GRIA4: variants seen among roughly 807,000 people sequenced by gnomAD.
GRIA4 encodes the protein glutamate receptor 4.
In GRIA4, 34 loss-of-function variants were observed where a neutral mutation model predicts 104.0. That is an observed-to-expected ratio of 0.33 (90% CI 0.25 to 0.44). The LOEUF is 0.44. Among genes scored for constraint, GRIA4 ranks in the 20% least tolerant of loss-of-function variants. The pLI, the probability that GRIA4 is intolerant of heterozygous loss-of-function variation, is 1.00. For synonymous variants in GRIA4, 386 were observed against 381.9 expected (o/e 1.01, Z -0.13); for missense variants, 750 against 1,096.5 (o/e 0.68, Z 4.46).
chr11:105,780,475 T>C (rs1353892425), intron 4 of GRIA4, among the ~76,000 whole-genome samples: 1 of 152,188 alleles, frequency 6.6e-6, no homozygotes, highest in Non-Finnish European at 1.5e-5. Context: ...GAAATTTAGC[T>C]CACATTTCAC....
At chr11:105,962,423 T>C (rs919935478) in intron 14 of GRIA4, among the ~76,000 whole-genome samples, 2 of 152,216 alleles carry the variant, frequency 1.3e-5, no homozygotes, top group African/African-American at 4.8e-5. Flanking sequence ...TGGTTTTATA[T>C]GACATTTCAA....
At chr11:105,881,558 GAC>G (rs948552842) in intron 5 of GRIA4, among the ~76,000 whole-genome samples, 1 of 152,130 alleles carries the variant, frequency 6.6e-6, no homozygotes, top group African/African-American at 2.4e-5. Flanking sequence ...AACTTCCAGT[GAC>G]AGAGAGATCA....
intron 3 of GRIA4, among the ~76,000 whole-genome samples, chr11:105,664,382 G>A (rs1034459326): frequency 3.3e-5 from 5 of 150,598 alleles, no homozygotes; most frequent in Non-Finnish European, 7.4e-5. Flanking sequence ...GAGCAAATGA[G>A]AAAAAGGCAT....
intron 4 of GRIA4, among the ~76,000 whole-genome samples, chr11:105,850,381 C>T (rs1944761349): frequency 6.6e-6 from 1 of 152,162 alleles, no homozygotes. Flanking sequence ...TTATTCTATA[C>T]CATAATTCAA....
intron 4 of GRIA4, among the ~76,000 whole-genome samples, chr11:105,778,313 G>T (rs528031558): frequency 6.6e-6 from 1 of 152,278 alleles, no homozygotes; most frequent in African/African-American, 2.4e-5. Context: ...GACAGTCAGG[G>T]AAGGGGATCA....
At chr11:105,665,654 T>G (rs1303663067) in intron 3 of GRIA4, among the ~76,000 whole-genome samples, 1 of 152,018 alleles carries the variant, frequency 6.6e-6, no homozygotes, top group Non-Finnish European at 1.5e-5. Context: ...TTCCTGTTTT[T>G]AATACAGCCA....
intron 4 of GRIA4, among the ~76,000 whole-genome samples, chr11:105,858,669 T>C (rs557978979): frequency 6.6e-6 from 1 of 152,240 alleles, no homozygotes; most frequent in South Asian, 2.1e-4. Context: ...CTCACTATCC[T>C]TCCCAGCCTC....
intron 4 of GRIA4, among the ~76,000 whole-genome samples, chr11:105,803,844 C>CAAAAA (rs537440632): frequency 2.5e-5 from 2 of 80,544 alleles, no homozygotes; most frequent in Non-Finnish European, 2.9e-5. Flanking sequence ...GGTGCTATAC[C>CAAAAA]AAAAAAAAAA....
intron 3 of GRIA4, among the ~76,000 whole-genome samples, chr11:105,658,395 A>C (rs1951907353): frequency 6.6e-6 from 1 of 151,850 alleles, no homozygotes; most frequent in South Asian, 2.1e-4. Flanking sequence ...CTGATCTTTA[A>C]ACAGAGTATT....
intron 12 of GRIA4, 99 bp downstream of exon 12, chr11:105,924,868 C>CT (rs1947662113): frequency 1.1e-6 from 1 of 907,344 alleles, no homozygotes; most frequent in Non-Finnish European, 1.7e-6. Flanking sequence ...AGACAGAGGA[C>CT]TATTTGAAAC....
chr11:105,908,290 C>T (rs1018245586), intron 9 of GRIA4, among the ~76,000 whole-genome samples: 1 of 152,180 alleles, frequency 6.6e-6, no homozygotes, highest in Admixed American at 6.5e-5. Flanking sequence ...CATATTTTTG[C>T]TCTAGCATTA....
At chr11:105,906,717 C>T (rs992800932) in intron 9 of GRIA4, among the ~76,000 whole-genome samples, 1 of 152,088 alleles carries the variant, frequency 6.6e-6, no homozygotes, top group African/African-American at 2.4e-5. Flanking sequence ...TGGATGGCAG[C>T]CGGGGGGCCC....
chr11:105,837,427 A>G (rs1944234163), intron 4 of GRIA4, among the ~76,000 whole-genome samples: 1 of 152,124 alleles, frequency 6.6e-6, no homozygotes, highest in Admixed American at 6.6e-5. Context: ...GAAAAAAAGG[A>G]AGCATACCTG....
intron 3 of GRIA4, among the ~76,000 whole-genome samples, chr11:105,665,018 T>C (rs192287524): frequency 6.6e-6 from 1 of 152,038 alleles, no homozygotes; most frequent in Non-Finnish European, 1.5e-5. Context: ...ATTTGGGAGA[T>C]AATTCTAAAT....
At chr11:105,701,992 C>T (rs1002729153) in intron 3 of GRIA4, among the ~76,000 whole-genome samples, 1 of 152,040 alleles carries the variant, frequency 6.6e-6, no homozygotes, top group Non-Finnish European at 1.5e-5. Context: ...TGGAGTGCAG[C>T]GTTGCAATCA....
chr11:105,893,837 G>C (rs1258940275), intron 6 of GRIA4, among the ~76,000 whole-genome samples: 1 of 152,178 alleles, frequency 6.6e-6, no homozygotes, highest in African/African-American at 2.4e-5. Flanking sequence ...CTGTGGGTCT[G>C]CCGTATACTC....
At position 105,979,819 on chromosome 11, in the gene GRIA4, C is replaced by A. The variant is rs778490012; in HGVS notation, c.*80C>A. The A allele has an allele frequency of 1.1e-5, 12 of 1,046,602 alleles. No homozygotes were observed. Among genetic ancestry groups the A allele is most frequent in the Non-Finnish European group, 1.7e-5 (12 of 704,918 alleles). 64.8% of individuals were successfully genotyped at this position (1,046,602 alleles called of 1,614,324 possible). A position where few individuals can be genotyped will look rare whatever the true frequency, so the allele number is the denominator to read the frequency against. On this transcript the variant is annotated 3_prime_UTR_variant, in exon 17 of 17. Coordinates refer to ENST00000282499, the MANE Select transcript of GRIA4 (RefSeq NM_000829.4). ...GCAGCCCTGAGGGACACGCCACGCG[C>A]GGGTCTTTGCTAAACCAATCCTTTG...
rs77970144 is a variant in GRIA4, at chr11:105,864,050, G to A, written c.672+1842G>A. Among the ~76,000 whole-genome samples the A allele has an allele frequency of 3.5e-3, 534 of 152,008 alleles. 4 individuals are homozygous for A. Among genetic ancestry groups the A allele is most frequent in the African/African-American group, 0.011 (474 of 41,452 alleles). ...TCTAAAAGGTTTCTTTTCTATCATG[G>A]TTGCATGGTAATAATAATAATAATA... On this transcript the variant is annotated intron_variant, in intron 5 of 16. Coordinates refer to ENST00000282499, the MANE Select transcript of GRIA4 (RefSeq NM_000829.4).
intron 5 of GRIA4, among the ~76,000 whole-genome samples, chr11:105,876,003 G>A (rs1416000148): frequency 1.3e-5 from 2 of 152,082 alleles, no homozygotes; most frequent in Non-Finnish European, 2.9e-5. Context: ...TACTTGTGAT[G>A]TTAGGGTGTC....
Sources: allele counts gnomAD v4.1 joint callset (sites outside exome capture counted in the v4.1 genomes callset), GRCh38; gene constraint gnomAD v4.1.1; transcripts MANE v1.5; gene names NCBI Gene and HGNC (gene_info 2026-07-23, HGNC 2026-07-21).